CCDC138: variants seen among roughly 807,000 people sequenced by gnomAD.
The protein encoded by CCDC138 is coiled-coil domain containing 138, also known as coiled-coil domain-containing protein 138.
In CCDC138, 66 loss-of-function variants were observed where a neutral mutation model predicts 82.3. The observed-to-expected ratio is 0.80, with a 90% CI of 0.66 to 0.98. CCDC138 has a LOEUF of 0.98. CCDC138 is among the 50% of genes least tolerant of loss of function. The pLI is 0.00. For synonymous variants in CCDC138, 297 were observed against 265.4 expected (o/e 1.12, Z -1.16); for missense variants, 816 against 758.9 (o/e 1.08, Z -0.88).
At chr2:108,805,476 A>G (rs1682702099) in intron 7 of CCDC138, among the ~76,000 whole-genome samples, 1 of 152,226 alleles carries the variant, frequency 6.6e-6, no homozygotes, top group South Asian at 2.1e-4. Context: ...CTGTAATCCC[A>G]GCACTTTGGG....
intron 10 of CCDC138, among the ~76,000 whole-genome samples, chr2:108,832,910 G>A (rs1687940046): frequency 6.6e-6 from 1 of 152,184 alleles, no homozygotes; most frequent in Admixed American, 6.5e-5. Context: ...AAGTTTGAAT[G>A]TCATCCCACA....
chr2:108,825,090 A>G (rs1286441607), intron 10 of CCDC138, among the ~76,000 whole-genome samples: 1 of 152,210 alleles, frequency 6.6e-6, no homozygotes, highest in African/African-American at 2.4e-5. Flanking sequence ...ACAAGGAATC[A>G]TGCAAAATAA....
chr2:108,863,569 A>C (rs1693951892), intron 13 of CCDC138, among the ~76,000 whole-genome samples: 1 of 152,204 alleles, frequency 6.6e-6, no homozygotes, highest in South Asian at 2.1e-4. Context: ...TTTATGTAGT[A>C]AAACTCCTAG....
At chr2:108,852,579 G>T (rs1048377795) in intron 12 of CCDC138, among the ~76,000 whole-genome samples, 1 of 152,192 alleles carries the variant, frequency 6.6e-6, no homozygotes, top group Non-Finnish European at 1.5e-5. Context: ...CCATTAAAAA[G>T]AATGAGATTA....
chr2:108,839,090 GT>G, intron 10 of CCDC138, 94 bp from the exon 11 acceptor site: 1 of 1,308,036 alleles, frequency 7.6e-7, no homozygotes, highest in Non-Finnish European at 1.0e-6. Flanking sequence ...GTTTTGTTTT[GT>G]TTTTAAAGAT....
intron 3 of CCDC138, 199 bp from the exon 4 acceptor site, chr2:108,791,476 A>C (rs1223181557): frequency 1.0e-5 from 6 of 593,212 alleles, no homozygotes; most frequent in Non-Finnish European, 1.9e-5. Context: ...GTGTAGAAAA[A>C]GATGCTTGTA....
intron 10 of CCDC138, among the ~76,000 whole-genome samples, chr2:108,825,292 T>C (rs1558681356): frequency 6.6e-6 from 1 of 151,746 alleles, no homozygotes; most frequent in East Asian, 1.9e-4. Flanking sequence ...GTTTGTTTGT[T>C]TGGTAACAGC....
At chr2:108,853,969 T>TTTATATA (rs1692075638) in intron 12 of CCDC138, among the ~76,000 whole-genome samples, 1 of 112,130 alleles carries the variant, frequency 8.9e-6, no homozygotes, top group African/African-American at 3.5e-5. Context: ...TATAATAAAA[T>TTTATATA]ATATATAATA....
At chr2:108,822,131 A>G (rs1027396023) in intron 10 of CCDC138, among the ~76,000 whole-genome samples, 1 of 152,132 alleles carries the variant, frequency 6.6e-6, no homozygotes, top group Non-Finnish European at 1.5e-5. Context: ...ATCCTTGTCA[A>G]TGGTCTCCAG....
chr2:108,846,069 T>C (rs1465035848), intron 11 of CCDC138, among the ~76,000 whole-genome samples: 1 of 152,130 alleles, frequency 6.6e-6, no homozygotes, highest in Non-Finnish European at 1.5e-5. Context: ...TAAATCAGAG[T>C]TAGCTGAAGG....
chr2:108,800,853 C>T (rs1681835489), intron 6 of CCDC138, among the ~76,000 whole-genome samples: 1 of 124,096 alleles, frequency 8.1e-6, no homozygotes, highest in Non-Finnish European at 1.7e-5. Flanking sequence ...GTTCAATTCC[C>T]ACCTATGAGT....
intron 12 of CCDC138, among the ~76,000 whole-genome samples, chr2:108,856,581 A>C (rs1472128743): frequency 1.3e-5 from 2 of 152,180 alleles, no homozygotes; most frequent in African/African-American, 4.8e-5. Flanking sequence ...GAAAATTCTA[A>C]ATGAAATTTA....
chr2:108,835,102 A>G (rs949464328), intron 10 of CCDC138, among the ~76,000 whole-genome samples: 1 of 152,230 alleles, frequency 6.6e-6, no homozygotes, highest in African/African-American at 2.4e-5. Context: ...CTGTGTTGGA[A>G]TGGAGATCTC....
intron 12 of CCDC138, among the ~76,000 whole-genome samples, chr2:108,849,731 C>T (rs900302993): frequency 1.3e-5 from 2 of 152,228 alleles, no homozygotes. Context: ...AGAGTTCTCC[C>T]TTTCCTTATA....
At chr2:108,816,623 C>T (rs770165409) in intron 10 of CCDC138, among the ~76,000 whole-genome samples, 10 of 152,078 alleles carry the variant, frequency 6.6e-5, no homozygotes, top group Non-Finnish European at 1.3e-4. Context: ...CATGATAATC[C>T]ATTAATCCAT....
intron 1 of CCDC138, 42 bp downstream of exon 1, chr2:108,786,957 T>G: frequency 7.3e-7 from 1 of 1,375,010 alleles, no homozygotes; most frequent in Non-Finnish European, 9.6e-7. Flanking sequence ...CTCCTGCTGC[T>G]GGGGGGCGGC....
intron 7 of CCDC138, among the ~76,000 whole-genome samples, chr2:108,809,094 G>T (rs1558650209): frequency 6.6e-6 from 1 of 152,076 alleles, no homozygotes; most frequent in African/African-American, 2.4e-5. Flanking sequence ...TATTAATGTT[G>T]TTGGCACCTT....
chr2:108,846,926 T>C lies in CCDC138; in HGVS notation c.1512T>C (p.Thr504=). 1 of 1,566,992 alleles carries C rather than the reference T, an allele frequency of 6.4e-7. No individual in the cohort carries two copies. The highest frequency in any genetic ancestry group is 8.8e-7 in the Non-Finnish European group (1 of 1,140,364). ...LSTLIVLKTV[T]QADYLAQAFD... ...CCTTAATTGTTCTCAAAACAGTCACTCAAGGTAAGCTTTCAATTGTACTTA... is the reference window on the plus strand; with the variant it reads ...CCTTAATTGTTCTCAAAACAGTCACCCAAGGTAAGCTTTCAATTGTACTTA... Residue 504 remains threonine (T), a synonymous_variant, in exon 12 of 15, where the codon ACT becomes ACC. Transcript: ENST00000295124.
intron 9 of CCDC138, 73 bp downstream of exon 9, chr2:108,813,000 A>G (rs1684146307): frequency 1.6e-6 from 2 of 1,278,988 alleles, no homozygotes; most frequent in Admixed American, 3.8e-5. Context: ...CTGTAATCCC[A>G]GCACTTTGGG....
Sources: gnomAD v4.1 joint callset for allele counts (sites outside exome capture counted in the v4.1 genomes callset) on GRCh38, gnomAD v4.1.1 for gene constraint, MANE v1.5 for transcripts, NCBI Gene and HGNC (gene_info 2026-07-23, HGNC 2026-07-21) for gene names.